The following GPT variants were observed in gnomAD, a reference collection of about 807,000 sequenced individuals.
GPT encodes the protein alanine aminotransferase 1.
A neutral mutation model predicts 51.4 loss-of-function variants in GPT; 60 were observed. That is an observed-to-expected ratio of 1.17 (90% CI 0.95 to 1.45). The LOEUF is 1.45. GPT is among the 40% of genes most tolerant of loss of function. The pLI is 0.00. For missense variants in GPT, 853 were observed against 704.0 expected, an observed-to-expected ratio of 1.21 and a Z score of -2.40; for synonymous variants, 397 against 303.1, an observed-to-expected ratio of 1.31 and a Z score of -3.22.
At position 144,504,778 on chromosome 8, in the gene GPT, C is replaced by A. The variant is rs201815297; in HGVS notation, c.260C>A (p.Ala87Asp). 1 of 1,613,508 alleles carries A rather than the reference C, an allele frequency of 6.2e-7. No individual in the cohort carries two copies. Among genetic ancestry groups the A allele is most frequent in the South Asian group, 1.1e-5 (1 of 91,074 alleles). Residue 87 changes from alanine (A) to aspartate (D), a missense_variant, in exon 3 of 11, where the codon GCC becomes GAC. Physicochemically the swap from Ala to Asp is moderately radical, Grantham distance 126. Coordinates refer to ENST00000394955, the MANE Select transcript of GPT (RefSeq NM_005309.3). The part of the protein sequence containing the change: ...RPITFLRQVL[A>D]LCVNPDLLSS... ...AGCACTCCGTCTTCCCAGGTCTTGG[C>A]CCTCTGTGTTAACCCTGATCTTCTG...
upstream of GPT, chr8:144,503,928 C>T (rs923957438): frequency 5.9e-6 from 2 of 339,816 alleles, no homozygotes; most frequent in Non-Finnish European, 5.7e-6. Context: ...ATGTCTAGTC[C>T]CTCAGAGCTG....
At position 144,505,068 on chromosome 8, in the gene GPT, C is replaced by G. The variant is rs139107415; in HGVS notation, c.432C>G (p.Asp144Glu). The G allele has an allele frequency of 7.4e-6, 12 of 1,613,064 alleles. No homozygotes were observed. The highest frequency in any genetic ancestry group is 6.7e-5 in the Admixed American group (4 of 60,008). The change falls in exon 4 of 11, where the codon GAC (aspartate) becomes GAG (glutamate). Residue 144 changes from aspartate to glutamate, a missense_variant. Physicochemically the swap from Asp to Glu is conservative, Grantham distance 45. Transcript: ENST00000394955. ...EDVARYIERRDGGIPADPNNV... is the reference protein window; with the variant it reads ...EDVARYIERREGGIPADPNNV... ...TGGCGCGGTACATTGAGAGGCGTGACGGAGGCATCCCTGCGGACCCCAACA... is the reference window on the plus strand; with the variant it reads ...TGGCGCGGTACATTGAGAGGCGTGAGGGAGGCATCCCTGCGGACCCCAACA...
Position 144,504,808 on chromosome 8 carries a change from G to A in GPT, c.290G>A (p.Ser97Asn). 3 of 1,613,694 alleles carry A rather than the reference G, an allele frequency of 1.9e-6. No individual in the cohort carries two copies. Among genetic ancestry groups the A allele is most frequent in the South Asian group, 1.1e-5 (1 of 91,074 alleles). The stretch of plus-strand genomic sequence containing the variant: ...TGTGTTAACCCTGATCTTCTGAGCA[G>A]CCCCAACTTCCCTGACGATGCCAAG... ...ALCVNPDLLSSPNFPDDAKKR... is the reference protein window; with the variant it reads ...ALCVNPDLLSNPNFPDDAKKR... The change falls in exon 3 of 11, where the codon AGC (serine) becomes AAC (asparagine). Residue 97 changes from serine to asparagine, a missense_variant. By Grantham distance (46) the Ser-to-Asn change is conservative. Coordinates refer to ENST00000394955, the MANE Select transcript of GPT (RefSeq NM_005309.3).
chr8:144,504,250 C>T lies in GPT; in HGVS notation c.-55C>T. The stretch of plus-strand genomic sequence containing the variant: ...AGCCAGACCCAGCTGTCGCCATTCC[C>T]ACTTCTGGTCCTGCCACCTCCTGAG... On this transcript the variant is annotated 5_prime_UTR_variant, in exon 1 of 11. Coordinates refer to ENST00000394955, the MANE Select transcript of GPT (RefSeq NM_005309.3). 1.3e-6 allele frequency: 2 copies of T among 1,583,968 alleles called. No individual in the cohort carries two copies. The highest frequency in any genetic ancestry group is 1.7e-6 in the Non-Finnish European group (2 of 1,169,586).
At position 144,505,272 on chromosome 8, in the gene GPT, C is replaced by G; in HGVS notation, c.522C>G (p.Gly174=). Residue 174 remains glycine (G), a synonymous_variant, in exon 5 of 11, where the codon GGC becomes GGG. Coordinates refer to ENST00000394955, the MANE Select transcript of GPT (RefSeq NM_005309.3). ...IVTVLKLLVA[G]EGHTRTGVLI... ...CGGTGCTGAAGCTGCTGGTGGCCGG[C>G]GAGGGCCACACACGCACGGGTGTGC... 1 of 1,593,196 alleles carries G rather than the reference C, an allele frequency of 6.3e-7. No homozygotes were observed. The highest frequency in any genetic ancestry group is 8.5e-7 in the Non-Finnish European group (1 of 1,170,468).
At chr8:144,503,287 G>A (rs1375698133), upstream of GPT, among the ~76,000 whole-genome samples, 1 of 152,156 alleles carries the variant, frequency 6.6e-6, no homozygotes, top group African/African-American at 2.4e-5. Flanking sequence ...GGTGCCCGAC[G>A]CTGGGGTGGG....
At chr8:144,503,997 A>G, upstream of GPT, 1 of 467,592 alleles carries the variant, frequency 2.1e-6, no homozygotes, top group Non-Finnish European at 4.0e-6. Context: ...CTTCGTGGGG[A>G]CACTAGGCAG....
rs1461944480 is a variant in GPT, at chr8:144,504,758, T to C, written c.253-13T>C. 6.7e-7 allele frequency: 1 copy of C among 1,489,708 alleles called. No homozygotes were observed. The highest frequency in any genetic ancestry group is 2.4e-5 in the East Asian group (1 of 41,606). 92.3% of individuals were successfully genotyped at this position (1,489,708 alleles called of 1,614,324 possible). ...AGCCCATGTGCCCTGGCCTCAGCAC[T>C]CCGTCTTCCCAGGTCTTGGCCCTCT... is the stretch of plus-strand genomic sequence containing the variant. On this transcript the variant is annotated splice_polypyrimidine_tract_variant and intron_variant, in intron 2 of 10. Coordinates refer to ENST00000394955, the MANE Select transcript of GPT (RefSeq NM_005309.3).
chr8:144,505,421 C>A lies in GPT; in HGVS notation c.671C>A (p.Ala224Glu), dbSNP rs1367251407. The part of the protein sequence containing the change: ...WALDVAELHR[A>E]LGQARDHCRP... ...CTGGACGTGGCCGAGCTTCACCGTG[C>A]ACTGGGCCAGGCGCGTGACCACTGC... Residue 224 changes from alanine to glutamate, a missense_variant, in exon 5 of 11, where the codon GCA becomes GAA. Physicochemically the swap from Ala to Glu is moderately radical, Grantham distance 107. Transcript: ENST00000394955. 1.3e-6 allele frequency: 2 copies of A among 1,599,452 alleles called. No homozygotes were observed. The highest frequency in any genetic ancestry group is 1.3e-5 in the African/African-American group (1 of 74,728).
In GPT at chr8:144,504,893, C is replaced by A; in HGVS notation, c.361+14C>A. 1 of 1,612,866 alleles carries A rather than the reference C, an allele frequency of 6.2e-7. No homozygotes were observed. ...GCCACAGTCTGGGTGAGAGCCAGGG[C>A]CAGGAGGAAGCAGAGGGCCGCCCTG... On this transcript the variant is annotated intron_variant, in intron 3 of 10. Coordinates refer to ENST00000394955, the MANE Select transcript of GPT (RefSeq NM_005309.3).
rs1162479703 is a variant in GPT at position 144,506,480 on chromosome 8, G to T, written c.1132-21G>T. ...GATGCCGAGTGCCGTGCCCTGATGG[G>T]CCCTCCCTCCGCGGCCACAGGAGAA... On this transcript the variant is annotated intron_variant, in intron 8 of 10. Coordinates refer to ENST00000394955, the MANE Select transcript of GPT (RefSeq NM_005309.3). This position sits in a 1 kb window ranked among gnomAD's most constrained non-coding sequence, Gnocchi z 7.0. 4 of 1,588,894 alleles carry T rather than the reference G, an allele frequency of 2.5e-6. No homozygotes were observed. The South Asian group carries it at 4.6e-5, about 18-fold the overall frequency.
rs1433926827 is a variant in GPT at position 144,505,277 on chromosome 8, G to A, written c.527G>A (p.Gly176Asp). 5.7e-6 allele frequency: 9 copies of A among 1,588,506 alleles called. No homozygotes were observed. The highest frequency in any genetic ancestry group is 7.7e-6 in the Non-Finnish European group (9 of 1,168,184). The change falls in exon 5 of 11, where the codon GGC becomes GAC. Residue 176 changes from glycine to aspartate, a missense_variant. Physicochemically the swap from Gly to Asp is moderately conservative, Grantham distance 94 (BLOSUM62 -1). Coordinates refer to ENST00000394955, the MANE Select transcript of GPT (RefSeq NM_005309.3). ...CTGAAGCTGCTGGTGGCCGGCGAGG[G>A]CCACACACGCACGGGTGTGCTCATC... Reference protein sequence around the residue: ...TVLKLLVAGEGHTRTGVLIPI... With the variant: ...TVLKLLVAGEDHTRTGVLIPI...
chr8:144,505,261 C>G lies in GPT; in HGVS notation c.511C>G (p.Leu171Val), dbSNP rs1339305936. The G allele has an allele frequency of 6.2e-7, 1 of 1,600,834 alleles. No individual in the cohort carries two copies. Among genetic ancestry groups the G allele is most frequent in the Non-Finnish European group, 8.5e-7 (1 of 1,174,386 alleles). ...CTTTCCGCAGACGGTGCTGAAGCTG[C>G]TGGTGGCCGGCGAGGGCCACACACG... is the stretch of plus-strand genomic sequence containing the variant. ...SDAIVTVLKL[L>V]VAGEGHTRTG... Residue 171 changes from leucine (L) to valine (V), a missense_variant, in exon 5 of 11, where the codon CTG (leucine) becomes GTG (valine). Leu to Val is a conservative substitution (Grantham distance 32, BLOSUM62 1). Coordinates refer to ENST00000394955, the MANE Select transcript of GPT (RefSeq NM_005309.3).
In GPT at chr8:144,506,455, G is replaced by A. The variant is rs1326214244; in HGVS notation, c.1132-46G>A. ...CCAGGTGACCTAATCAGGGGTGGGGGATGCCGAGTGCCGTGCCCTGATGGG... is the reference window on the plus strand; with the variant it reads ...CCAGGTGACCTAATCAGGGGTGGGGAATGCCGAGTGCCGTGCCCTGATGGG... On this transcript the variant is annotated intron_variant, in intron 8 of 10. Coordinates refer to ENST00000394955, the MANE Select transcript of GPT (RefSeq NM_005309.3). This position sits in a 1 kb window ranked among gnomAD's most constrained non-coding sequence, Gnocchi z 7.0. 1.3e-6 allele frequency: 2 copies of A among 1,572,654 alleles called. No individual in the cohort carries two copies. The highest frequency in any genetic ancestry group is 1.7e-6 in the Non-Finnish European group (2 of 1,160,294).
chr8:144,503,344 G>A (rs748870610), upstream of GPT, among the ~76,000 whole-genome samples: 78 of 152,184 alleles, frequency 5.1e-4, no homozygotes, highest in Non-Finnish European at 9.9e-4. Context: ...GTGGAGGTGG[G>A]GCTCTGACGG....
rs767067083 is a variant in GPT, at chr8:144,506,224, G to T, written c.957-8G>T. 2 of 1,605,808 alleles carry T rather than the reference G, an allele frequency of 1.2e-6. No individual in the cohort carries two copies. The highest frequency in any genetic ancestry group is 3.4e-5 in the Admixed American group (2 of 59,458). On this transcript the variant is annotated splice_region_variant and splice_polypyrimidine_tract_variant and intron_variant, in intron 7 of 10. Coordinates refer to ENST00000394955, the MANE Select transcript of GPT (RefSeq NM_005309.3). The surrounding 1 kb of genome is among the most constrained non-coding windows in gnomAD (Gnocchi z 7.0). ...CCCCTCCTCCGCACCTGACCTGGCC[G>T]TGCGCAGGTGCGGGTTCCGCGGCGG... is the stretch of plus-strand genomic sequence containing the variant.
Position 144,506,125 on chromosome 8 carries a change from T to G in GPT, c.950T>G (p.Met317Arg). 6.2e-7 allele frequency: 1 copy of G among 1,611,988 alleles called. No individual in the cohort carries two copies. Among genetic ancestry groups the G allele is most frequent in the Non-Finnish European group, 8.5e-7 (1 of 1,179,444 alleles). ...TTCCACTCCACCTCCAAGGGCTACA[T>G]GGGCGAGTGCGTGCGTACGAGGCGG... is the stretch of plus-strand genomic sequence containing the variant. Reference protein sequence around the residue: ...ASFHSTSKGYMGECGFRGGYV... With the variant: ...ASFHSTSKGYRGECGFRGGYV... Residue 317 changes from methionine to arginine, a missense_variant, in exon 7 of 11, where the codon ATG becomes AGG. Met to Arg is a moderately conservative substitution (Grantham distance 91). Coordinates refer to ENST00000394955, the MANE Select transcript of GPT (RefSeq NM_005309.3). This position sits in a 1 kb window ranked among gnomAD's most constrained non-coding sequence, Gnocchi z 7.0.
Position 144,506,139 on chromosome 8 carries a change from C to G in GPT, c.956+8C>G, listed in dbSNP as rs759947263. The stretch of plus-strand genomic sequence containing the variant: ...CAAGGGCTACATGGGCGAGTGCGTG[C>G]GTACGAGGCGGGTGGGGGCTCGCGG... On this transcript the variant is annotated splice_region_variant and intron_variant, in intron 7 of 10. Transcript: ENST00000394955. This position sits in a 1 kb window ranked among gnomAD's most constrained non-coding sequence, Gnocchi z 7.0. 1 of 1,610,164 alleles carries G rather than the reference C, an allele frequency of 6.2e-7. No homozygotes were observed.
upstream of GPT, chr8:144,504,031 C>T (rs1035374030): frequency 1.7e-5 from 9 of 539,620 alleles, no homozygotes; most frequent in East Asian, 9.7e-5. Context: ...CCCCAAGCCC[C>T]GCCTGCCACC....
Sources: allele counts gnomAD v4.1 joint callset (sites outside exome capture counted in the v4.1 genomes callset), GRCh38; gene constraint gnomAD v4.1.1; non-coding constraint Gnocchi (gnomAD v3.1); transcripts MANE v1.5; gene names NCBI Gene and HGNC (gene_info 2026-07-23, HGNC 2026-07-21).